SOX5: variants seen among roughly 807,000 people sequenced by gnomAD.
The protein encoded by SOX5 is transcription factor SOX-5.
Under a neutral mutation model 92.0 loss-of-function variants are expected in SOX5, and 9 were observed. The ratio of observed to expected loss-of-function variants is 0.10; its 90% confidence interval spans 0.06 to 0.17. The LOEUF (loss-of-function observed/expected upper bound fraction) is 0.17, where lower values mean the gene tolerates loss of function less well. Among genes scored for constraint, SOX5 ranks in the 10% least tolerant of loss-of-function variants. SOX5 has a pLI of 1.00. For missense variants in SOX5, 642 were observed against 944.5 expected (o/e 0.68, Z 4.20); for synonymous variants, 344 against 336.3 (o/e 1.02, Z -0.25).
chr12:24,084,886 G>A (rs1054880435), intron 4 of SOX5, among the ~76,000 whole-genome samples: 1 of 151,980 alleles, frequency 6.6e-6, no homozygotes, highest in African/African-American at 2.4e-5. Context: ...TAATTGATAA[G>A]CTTTATATAA....
At chr12:24,357,390 G>C (rs1163894599) in intron 2 of SOX5, 2 of 152,280 alleles carry the variant, frequency 1.3e-5, no homozygotes, top group Non-Finnish European at 2.9e-5. Flanking sequence ...GGAGAATCAC[G>C]CATGTATCCT....
intron 8 of SOX5, among the ~76,000 whole-genome samples, chr12:23,617,249 T>C (rs2076676422): frequency 6.6e-6 from 1 of 151,626 alleles, no homozygotes; most frequent in Non-Finnish European, 1.5e-5. Context: ...CTGGGAAGCA[T>C]GCTTGGTGAA....
chr12:23,772,174 A>G (rs1028191319), intron 3 of SOX5, among the ~76,000 whole-genome samples: 2 of 152,270 alleles, frequency 1.3e-5, no homozygotes, highest in African/African-American at 2.4e-5. Context: ...TCAATAAAGC[A>G]TAAGAGAAAT....
intron 3 of SOX5, among the ~76,000 whole-genome samples, chr12:23,785,805 T>G (rs1050531179): frequency 6.6e-6 from 1 of 152,144 alleles, no homozygotes; most frequent in Non-Finnish European, 1.5e-5. Flanking sequence ...AACATAAGAC[T>G]CCTTAATTTT....
chr12:23,538,946 G>A (rs1020887690), intron 13 of SOX5, among the ~76,000 whole-genome samples: 18 of 151,226 alleles, frequency 1.2e-4, no homozygotes, highest in Middle Eastern at 3.4e-3. Flanking sequence ...GACTACAGGC[G>A]CCCGCCACCA....
At chr12:24,480,901 C>G (rs965522441) in intron 1 of SOX5, among the ~76,000 whole-genome samples, 3 of 152,070 alleles carry the variant, frequency 2.0e-5, no homozygotes, top group Non-Finnish European at 4.4e-5. Flanking sequence ...CATCCCACGG[C>G]TGGGTATGTA....
At chr12:24,450,932 C>A (rs577229827) in intron 1 of SOX5, among the ~76,000 whole-genome samples, 1 of 152,254 alleles carries the variant, frequency 6.6e-6, no homozygotes, top group South Asian at 2.1e-4. Flanking sequence ...CATTAATCAT[C>A]CCTGCTTCCC....
intron 4 of SOX5, among the ~76,000 whole-genome samples, chr12:24,209,560 G>C (rs1250413120): frequency 6.6e-6 from 1 of 152,064 alleles, no homozygotes; most frequent in Non-Finnish European, 1.5e-5. Flanking sequence ...TTTTAAAATA[G>C]TTTCTAATGC....
At chr12:23,543,051 T>C (rs1489289884) in intron 13 of SOX5, among the ~76,000 whole-genome samples, 160 bp downstream of exon 13, 1 of 152,190 alleles carries the variant, frequency 6.6e-6, no homozygotes, top group Non-Finnish European at 1.5e-5. Flanking sequence ...GGACATAGAA[T>C]GCTTCATCAC....
chr12:24,348,364 CTATT>C (rs55635240), intron 2 of SOX5, among the ~76,000 whole-genome samples: 67 of 142,768 alleles, frequency 4.7e-4, no homozygotes, highest in East Asian at 1.6e-3. Flanking sequence ...CTATTGACTC[CTATT>C]TATTTATTTA....
intron 4 of SOX5, among the ~76,000 whole-genome samples, chr12:23,972,995 A>G (rs1002433053): frequency 6.6e-6 from 1 of 152,080 alleles, no homozygotes; most frequent in Non-Finnish European, 1.5e-5. Context: ...CCAAGCCTCA[A>G]GTAGCGACCT....
At chr12:23,886,210 A>G (rs1331590477) in intron 2 of SOX5, among the ~76,000 whole-genome samples, 4 of 152,172 alleles carry the variant, frequency 2.6e-5, no homozygotes, top group African/African-American at 9.6e-5. Flanking sequence ...CCTTGTATAT[A>G]CTATTAATTG....
intron 7 of SOX5, among the ~76,000 whole-genome samples, chr12:23,650,070 G>A (rs767344174): frequency 3.3e-5 from 5 of 151,994 alleles, no homozygotes; most frequent in Non-Finnish European, 7.4e-5. Context: ...TGTAGGTGCT[G>A]GGAAATATGA....
intron 3 of SOX5, among the ~76,000 whole-genome samples, chr12:23,809,144 T>C (rs2095832370): frequency 6.6e-6 from 1 of 152,144 alleles, no homozygotes; most frequent in Non-Finnish European, 1.5e-5. Flanking sequence ...CACAAACTGA[T>C]ATTTCTACGT....
intron 4 of SOX5, among the ~76,000 whole-genome samples, chr12:24,091,693 A>C (rs1291551624): frequency 6.6e-6 from 1 of 152,164 alleles, no homozygotes; most frequent in Non-Finnish European, 1.5e-5. Context: ...TTACTAGGGT[A>C]TGATAAATTC....
chr12:24,365,263 G>A (rs536452153), intron 2 of SOX5, among the ~76,000 whole-genome samples: 32 of 152,166 alleles, frequency 2.1e-4, no homozygotes, highest in African/African-American at 7.5e-4. Context: ...TTGCTCAAGA[G>A]GAAAAACTGT....
intron 1 of SOX5, among the ~76,000 whole-genome samples, chr12:24,376,885 T>TC (rs1749972060): frequency 6.7e-6 from 1 of 149,858 alleles, no homozygotes; most frequent in Non-Finnish European, 1.5e-5. Context: ...TGAATTTTTT[T>TC]TTTTTTGTAG....
intron 1 of SOX5, among the ~76,000 whole-genome samples, chr12:24,546,402 T>G (rs1291974586): frequency 6.6e-6 from 1 of 152,204 alleles, no homozygotes; most frequent in Non-Finnish European, 1.5e-5. Context: ...CAGAATCTAG[T>G]GAGTATGAGT....
intron 2 of SOX5, among the ~76,000 whole-genome samples, chr12:24,357,854 A>AAAG (rs61618550): frequency 7.0e-6 from 1 of 141,980 alleles, no homozygotes; most frequent in African/African-American, 2.5e-5. Flanking sequence ...AAAAAAAAAA[A>AAAG]GAAAGAAGAA....
Sources: allele counts gnomAD v4.1 joint callset (sites outside exome capture counted in the v4.1 genomes callset), GRCh38; gene constraint gnomAD v4.1.1; transcripts MANE v1.5; gene names NCBI Gene and HGNC (gene_info 2026-07-23, HGNC 2026-07-21).